Variants in CNTN6 observed in about 807,000 individuals in gnomAD.
CNTN6 encodes contactin-6.
A neutral mutation model predicts 122.8 loss-of-function variants in CNTN6; 137 were observed. The ratio of observed to expected loss-of-function variants is 1.12; its 90% CI spans 0.97 to 1.29. The LOEUF is 1.29. Among genes scored for constraint, CNTN6 ranks in the 50% most tolerant of loss-of-function variants. The pLI is 0.00. For synonymous variants in CNTN6, 570 were observed against 426.0 expected (o/e 1.34, Z -4.16); for missense variants, 1,634 against 1,223.4 (o/e 1.34, Z -5.01).
intron 5 of CNTN6, among the ~76,000 whole-genome samples, chr3:1,287,971 C>T (rs143683295): frequency 7.1e-6 from 1 of 141,050 alleles, no homozygotes; most frequent in Non-Finnish European, 1.6e-5. Flanking sequence ...CTCTACTTTC[C>T]TCATAAACTT....
At position 1,306,299 on chromosome 3, in the gene CNTN6, T is replaced by C. The variant is rs556311298; in HGVS notation, c.761+8308T>C. On this transcript the variant is annotated intron_variant, in intron 7 of 22. Transcript: ENST00000446702. ...TATAACACGATATTATCAATAACTT[T>C]TTTTTAACATGACGTGGTATTGCTT... 1.2e-4 allele frequency among the ~76,000 whole-genome samples: 19 copies of C among 152,290 alleles called. No individual in the cohort carries two copies. The South Asian group carries it at 2.5e-3, about 20-fold the overall frequency.
chr3:1,266,949 CTTTTTTTTTTTTT>C lies in CNTN6; in HGVS notation c.359-11452_359-11440del, dbSNP rs1036704755. ...TGGGAAGCCAGTGGTCAGCCTGGCC[CTTTTTTTTTTTTT>C]TTTTTTTTTTTGGAGACAGAGTCTC... On this transcript the variant is annotated intron_variant, in intron 4 of 22. Coordinates refer to ENST00000446702, the MANE Select transcript of CNTN6 (RefSeq NM_001289080.2). Among the ~76,000 whole-genome samples, 3 of 90,412 alleles carry C rather than the reference CTTTTTTTTTTTTT, an allele frequency of 3.3e-5. No homozygotes were observed. The Admixed American group carries it at 3.9e-4, about 12-fold the overall frequency. 59.3% of individuals were successfully genotyped at this position (90,412 alleles called of 152,430 possible).
At chr3:1,324,696 G>A (rs1432257252) in intron 8 of CNTN6, among the ~76,000 whole-genome samples, 2 of 149,548 alleles carry the variant, frequency 1.3e-5, no homozygotes, top group Non-Finnish European at 2.9e-5. Flanking sequence ...ACTCAGCCTT[G>A]CATTGACTTT....
intron 2 of CNTN6, among the ~76,000 whole-genome samples, chr3:1,217,756 G>C (rs534263580): frequency 1.3e-5 from 2 of 152,178 alleles, no homozygotes; most frequent in African/African-American, 4.8e-5. Flanking sequence ...CTGATAACAA[G>C]TGCTGTCTCC....
intron 11 of CNTN6, among the ~76,000 whole-genome samples, chr3:1,349,212 C>A (rs1705234929): frequency 6.6e-6 from 1 of 151,868 alleles, no homozygotes; most frequent in Non-Finnish European, 1.5e-5. Context: ...AGTAGTATAA[C>A]TTCAACCTTA....
intron 4 of CNTN6, among the ~76,000 whole-genome samples, chr3:1,262,520 C>T (rs372288694): frequency 6.6e-6 from 1 of 152,112 alleles, no homozygotes; most frequent in Non-Finnish European, 1.5e-5. Context: ...TAACTCCACC[C>T]CCGCTTTAGT....
At chr3:1,210,913 T>C (rs555505735) in intron 2 of CNTN6, among the ~76,000 whole-genome samples, 1 of 152,232 alleles carries the variant, frequency 6.6e-6, no homozygotes, top group South Asian at 2.1e-4. Flanking sequence ...CACTTTCCTT[T>C]TGGGCATGGG....
chr3:1,097,133 C>A (rs76590505), intron 1 of CNTN6, among the ~76,000 whole-genome samples: 1 of 152,112 alleles, frequency 6.6e-6, no homozygotes, highest in Non-Finnish European at 1.5e-5. Flanking sequence ...ACATTTATTA[C>A]GGTAAAGGCG....
At chr3:1,266,932 C>T (rs1033330712) in intron 4 of CNTN6, among the ~76,000 whole-genome samples, 2 of 150,558 alleles carry the variant, frequency 1.3e-5, no homozygotes, top group Non-Finnish European at 2.9e-5. Flanking sequence ...TCTGGGAAGC[C>T]AGTGGTCAGC....
chr3:1,375,308 A>G (rs1709699860), intron 16 of CNTN6, among the ~76,000 whole-genome samples: 1 of 152,016 alleles, frequency 6.6e-6, no homozygotes, highest in African/African-American at 2.4e-5. Context: ...CCTTCTAACC[A>G]TTAATACTCT....
At chr3:1,268,265 C>T (rs1217919133) in intron 4 of CNTN6, among the ~76,000 whole-genome samples, 1 of 152,118 alleles carries the variant, frequency 6.6e-6, no homozygotes, top group Non-Finnish European at 1.5e-5. Context: ...GGGTCACTAA[C>T]CATCAGTCTA....
chr3:1,264,021 A>G (rs2094888771), intron 4 of CNTN6, among the ~76,000 whole-genome samples: 1 of 151,976 alleles, frequency 6.6e-6, no homozygotes, highest in Admixed American at 6.6e-5. Flanking sequence ...GAAACTCATT[A>G]TGTTCCGAAA....
intron 4 of CNTN6, 123 bp downstream of exon 4, chr3:1,228,116 T>C: frequency 1.2e-6 from 1 of 807,834 alleles, no homozygotes; most frequent in Non-Finnish European, 1.9e-6. Context: ...TTTATGGGCT[T>C]TTGACAATGT....
intron 16 of CNTN6, among the ~76,000 whole-genome samples, chr3:1,376,325 G>C (rs11920048): frequency 0.38 from 57,567 of 151,772 alleles, 11,930 homozygotes; most frequent in African/African-American, 0.54. Flanking sequence ...GAAGGGCATA[G>C]TTTTTTAAAA....
At chr3:1,335,401 A>G (rs1702908091) in intron 11 of CNTN6, among the ~76,000 whole-genome samples, 1 of 152,212 alleles carries the variant, frequency 6.6e-6, no homozygotes, top group South Asian at 2.1e-4. Flanking sequence ...CAGGCAACTG[A>G]GGGAATCAAT....
chr3:1,211,400 C>G (rs1466119341), intron 2 of CNTN6, among the ~76,000 whole-genome samples: 1 of 152,046 alleles, frequency 6.6e-6, no homozygotes, highest in Non-Finnish European at 1.5e-5. Flanking sequence ...CTCTAAAAGC[C>G]CAGGTTGTCT....
chr3:1,135,452 A>C (rs2092448004), intron 1 of CNTN6, among the ~76,000 whole-genome samples: 1 of 152,144 alleles, frequency 6.6e-6, no homozygotes, highest in Admixed American at 6.5e-5. Flanking sequence ...ATCAGTGTAC[A>C]TCCTGCTGTC....
At chr3:1,359,147 A>C (rs1707081677) in intron 12 of CNTN6, among the ~76,000 whole-genome samples, 1 of 152,062 alleles carries the variant, frequency 6.6e-6, no homozygotes, top group Non-Finnish European at 1.5e-5. Flanking sequence ...CTGAATGAAC[A>C]CTATCTATTT....
chr3:1,107,646 C>T (rs2091287818), intron 1 of CNTN6, among the ~76,000 whole-genome samples: 1 of 152,086 alleles, frequency 6.6e-6, no homozygotes, highest in Non-Finnish European at 1.5e-5. Flanking sequence ...TTTGACCATG[C>T]TCCAGGTGTG....
Sources: gnomAD v4.1 joint callset for allele counts (sites outside exome capture counted in the v4.1 genomes callset) on GRCh38, gnomAD v4.1.1 for gene constraint, MANE v1.5 for transcripts, NCBI Gene and HGNC (gene_info 2026-07-23, HGNC 2026-07-21) for gene names.